UNC13C: variants seen among roughly 807,000 people sequenced by gnomAD.
UNC13C encodes the protein protein unc-13 homolog C.
A neutral mutation model predicts 245.4 loss-of-function variants in UNC13C; 174 were observed. The ratio of observed to expected loss-of-function variants is 0.71; its 90% confidence interval spans 0.63 to 0.80. The LOEUF (loss-of-function observed/expected upper bound fraction) is 0.80, where lower values mean the gene tolerates loss of function less well. UNC13C is among the 30% of genes least tolerant of loss of function. The pLI, the probability that UNC13C is intolerant of heterozygous loss-of-function variation, is 0.00. For synonymous variants in UNC13C, 992 were observed against 895.1 expected, an observed-to-expected ratio of 1.11 and a Z score of -1.93; for missense variants, 2,829 against 2,602.9, an observed-to-expected ratio of 1.09 and a Z score of -1.89.
At chr15:54,394,659 A>G (rs2040034014) in intron 18 of UNC13C, among the ~76,000 whole-genome samples, 1 of 151,898 alleles carries the variant, frequency 6.6e-6, no homozygotes, top group East Asian at 1.9e-4. Flanking sequence ...ATACTGGATG[A>G]AAACAAACAT....
intron 4 of UNC13C, among the ~76,000 whole-genome samples, chr15:54,151,225 T>C (rs2032500643): frequency 6.6e-6 from 1 of 151,950 alleles, no homozygotes; most frequent in African/African-American, 2.4e-5. Flanking sequence ...ACCTGATGTC[T>C]ATTGTAATAG....
chr15:54,352,137 A>G (rs968266718), intron 17 of UNC13C, among the ~76,000 whole-genome samples: 8 of 151,722 alleles, frequency 5.3e-5, no homozygotes, highest in African/African-American at 1.7e-4. Flanking sequence ...ACTCTAATCC[A>G]TCTAAAATTC....
At chr15:54,255,177 G>A (rs1567138128) in intron 8 of UNC13C, among the ~76,000 whole-genome samples, 1 of 152,146 alleles carries the variant, frequency 6.6e-6, no homozygotes, top group Non-Finnish European at 1.5e-5. Flanking sequence ...CCCGTAGGTG[G>A]CCTGTGTTAG....
At chr15:54,090,838 G>A (rs1595840656) in intron 2 of UNC13C, among the ~76,000 whole-genome samples, 1 of 152,140 alleles carries the variant, frequency 6.6e-6, no homozygotes, top group African/African-American at 2.4e-5. Flanking sequence ...TCAGTTCTGG[G>A]AAGCATTAAT....
At chr15:54,280,721 TAA>T (rs775099127) in intron 10 of UNC13C, among the ~76,000 whole-genome samples, 11,967 of 137,642 alleles carry the variant, frequency 0.087, 760 homozygotes, top group Middle Eastern at 0.16. Flanking sequence ...TATACATATA[TAA>T]ACATATGTAT....
chr15:54,449,379 T>C (rs4280183), intron 19 of UNC13C, among the ~76,000 whole-genome samples: 2,247 of 152,326 alleles, frequency 0.015, 28 homozygotes, highest in Non-Finnish European at 0.022. Flanking sequence ...TTTTCCAACT[T>C]GGTTCCATTC....
the UNC13C span, among the ~76,000 whole-genome samples, chr15:53,917,855 C>T: frequency 1.3e-5 from 2 of 152,118 alleles, no homozygotes; most frequent in Non-Finnish European, 2.9e-5. Context: ...ATTTTATTGT[C>T]ATTTTCTTTT....
chr15:54,158,621 C>T (rs1272700978), intron 4 of UNC13C, among the ~76,000 whole-genome samples: 2 of 151,836 alleles, frequency 1.3e-5, no homozygotes, highest in African/African-American at 4.8e-5. Flanking sequence ...GCTTGGCCTA[C>T]TCTTTTTAAT....
chr15:54,149,361 G>A (rs955979141), intron 4 of UNC13C, among the ~76,000 whole-genome samples: 1 of 152,144 alleles, frequency 6.6e-6, no homozygotes, highest in Non-Finnish European at 1.5e-5. Flanking sequence ...TGGTATAGAA[G>A]GAGTTCACTA....
chr15:54,558,885 G>A (rs2141203421), intron 29 of UNC13C, among the ~76,000 whole-genome samples: 1 of 152,166 alleles, frequency 6.6e-6, no homozygotes, highest in Non-Finnish European at 1.5e-5. Flanking sequence ...AGGCGTTCTA[G>A]CTGGACTTTG....
At chr15:53,988,196 G>C (rs759974045) in intron 1 of UNC13C, among the ~76,000 whole-genome samples, 3 of 151,960 alleles carry the variant, frequency 2.0e-5, no homozygotes, top group African/African-American at 4.8e-5. Context: ...CATATTTTAG[G>C]TATGGGAGGA....
intron 30 of UNC13C, among the ~76,000 whole-genome samples, chr15:54,616,002 T>G (rs1718715186): frequency 6.6e-6 from 1 of 152,104 alleles, no homozygotes; most frequent in South Asian, 2.1e-4. Flanking sequence ...AGCCCTAAAA[T>G]TCTTCCATCT....
intron 8 of UNC13C, among the ~76,000 whole-genome samples, chr15:54,260,556 T>A (rs2036396511): frequency 6.7e-6 from 1 of 149,572 alleles, no homozygotes; most frequent in Non-Finnish European, 1.5e-5. Context: ...ATTCTATATA[T>A]AATAAACACA....
chr15:54,001,718 C>G (rs1387583254), intron 1 of UNC13C, among the ~76,000 whole-genome samples: 1 of 152,186 alleles, frequency 6.6e-6, no homozygotes, highest in African/African-American at 2.4e-5. Flanking sequence ...GTACCATTAT[C>G]TTATTTGTTA....
chr15:54,338,313 C>T (rs375377904), intron 16 of UNC13C, 48 bp from the exon 17 acceptor site: 71 of 1,583,640 alleles, frequency 4.5e-5, no homozygotes, highest in Non-Finnish European at 5.4e-5. Flanking sequence ...TACTAGATTA[C>T]AATGTGTCAC....
intron 28 of UNC13C, among the ~76,000 whole-genome samples, chr15:54,552,513 T>A (rs1266494251): frequency 6.2e-4 from 4 of 6,408 alleles, no homozygotes; most frequent in Admixed American, 2.2e-3. Context: ...AATTATATAT[T>A]ATATATTATA....
intron 25 of UNC13C, among the ~76,000 whole-genome samples, chr15:54,527,685 CT>C (rs1229546826): frequency 6.6e-6 from 1 of 152,132 alleles, no homozygotes; most frequent in Non-Finnish European, 1.5e-5. Flanking sequence ...ATGAAGCCAG[CT>C]ATTTTAGCCT....
intron 2 of UNC13C, among the ~76,000 whole-genome samples, chr15:54,116,024 A>G (rs1354304525): frequency 2.6e-5 from 4 of 152,180 alleles, no homozygotes; most frequent in Non-Finnish European, 4.4e-5. Flanking sequence ...AAATATACAT[A>G]TAAAATTTAC....
At chr15:54,387,241 A>G (rs1487671152) in intron 17 of UNC13C, among the ~76,000 whole-genome samples, 2 of 152,192 alleles carry the variant, frequency 1.3e-5, no homozygotes, top group Admixed American at 6.5e-5. Context: ...GCAGAGTAGC[A>G]CTTGTGGATC....
Sources: gnomAD v4.1 joint callset for allele counts (sites outside exome capture counted in the v4.1 genomes callset) on GRCh38, gnomAD v4.1.1 for gene constraint, MANE v1.5 for transcripts, NCBI Gene and HGNC (gene_info 2026-07-23, HGNC 2026-07-21) for gene names.